Variants in DPP10 observed in about 807,000 individuals in gnomAD.
DPP10 encodes the protein dipeptidyl peptidase like 10, also known as inactive dipeptidyl peptidase 10.
A neutral mutation model predicts 120.9 loss-of-function variants in DPP10; 33 were observed. The observed-to-expected ratio is 0.27, with a 90% CI of 0.21 to 0.37. The LOEUF (loss-of-function observed/expected upper bound fraction) is 0.37. DPP10 is among the 10% of genes least tolerant of loss of function. The pLI is 1.00. For synonymous variants in DPP10, 337 were observed against 326.1 expected, an observed-to-expected ratio of 1.03 and a Z score of -0.36; for missense variants, 816 against 942.8, an observed-to-expected ratio of 0.87 and a Z score of 1.76.
At chr2:115,699,574 A>T (rs1209308245) in intron 7 of DPP10, among the ~76,000 whole-genome samples, 1 of 152,306 alleles carries the variant, frequency 6.6e-6, no homozygotes, top group East Asian at 1.9e-4. Context: ...ATGCCACTGC[A>T]CTCCTGCCTG....
chr2:114,704,926 T>A (rs1700599135), intron 1 of DPP10, among the ~76,000 whole-genome samples: 1 of 152,080 alleles, frequency 6.6e-6, no homozygotes, highest in African/African-American at 2.4e-5. Context: ...TGCACATCTA[T>A]AGGAAAGACT....
At chr2:115,508,207 T>C (rs1463598371) in intron 4 of DPP10, among the ~76,000 whole-genome samples, 3 of 152,138 alleles carry the variant, frequency 2.0e-5, no homozygotes, top group African/African-American at 4.8e-5. Flanking sequence ...AAATAGAACA[T>C]AGACATGCAA....
intron 5 of DPP10, among the ~76,000 whole-genome samples, chr2:115,551,932 AT>A (rs573516226): frequency 1.7e-4 from 26 of 152,206 alleles, no homozygotes; most frequent in Middle Eastern, 3.4e-3. Context: ...AGCTAATTTC[AT>A]TTGTTCTGTG....
At chr2:115,662,565 G>A (rs2089088760) in intron 5 of DPP10, among the ~76,000 whole-genome samples, 2 of 151,960 alleles carry the variant, frequency 1.3e-5, no homozygotes, top group Non-Finnish European at 2.9e-5. Flanking sequence ...TCAGGAAAAT[G>A]CAAATCAAAA....
intron 1 of DPP10, among the ~76,000 whole-genome samples, chr2:115,251,158 G>T (rs184615464): frequency 2.0e-5 from 3 of 152,282 alleles, no homozygotes; most frequent in African/African-American, 7.2e-5. Context: ...TCTTTATCTT[G>T]ATTGGAATCT....
intron 9 of DPP10, 56 bp downstream of exon 9, chr2:115,739,949 G>A: frequency 6.3e-7 from 1 of 1,577,668 alleles, no homozygotes; most frequent in Non-Finnish European, 8.7e-7. Context: ...CTAGTGACTT[G>A]ACAGATGGTA....
At chr2:115,559,652 TTG>T (rs2149039770) in intron 5 of DPP10, among the ~76,000 whole-genome samples, 1 of 152,272 alleles carries the variant, frequency 6.6e-6, no homozygotes, top group East Asian at 1.9e-4. Flanking sequence ...GTTTGTATTT[TTG>T]TTTTCATAAC....
intron 3 of DPP10, among the ~76,000 whole-genome samples, chr2:115,402,000 A>G (rs768187927): frequency 2.6e-5 from 4 of 152,228 alleles, no homozygotes; most frequent in Non-Finnish European, 4.4e-5. Flanking sequence ...CTCTCCCTAT[A>G]GAAATCCAAT....
chr2:115,067,823 C>A (rs1158495315), intron 1 of DPP10, among the ~76,000 whole-genome samples: 13 of 134,950 alleles, frequency 9.6e-5, no homozygotes, highest in African/African-American at 3.0e-4. Context: ...GATCCTGCAA[C>A]TGCACTCCAG....
intron 5 of DPP10, among the ~76,000 whole-genome samples, chr2:115,630,439 T>C (rs900202117): frequency 7.9e-5 from 12 of 152,192 alleles, no homozygotes; most frequent in Non-Finnish European, 1.5e-4. Context: ...CTTCAAATAC[T>C]ATGTTAAATA....
chr2:114,580,721 GTT>G (rs11384274), intron 1 of DPP10, among the ~76,000 whole-genome samples: 13 of 123,120 alleles, frequency 1.1e-4, no homozygotes, highest in African/African-American at 3.2e-4. Flanking sequence ...TATCACATCT[GTT>G]TTTTTTTTTT....
chr2:115,221,523 T>C (rs1023609978), intron 1 of DPP10, among the ~76,000 whole-genome samples: 1 of 152,146 alleles, frequency 6.6e-6, no homozygotes, highest in African/African-American at 2.4e-5. Context: ...ACAGTAACTA[T>C]ACATGGTCCG....
chr2:114,523,163 G>C (rs1352601813), intron 1 of DPP10, among the ~76,000 whole-genome samples: 1 of 152,288 alleles, frequency 6.6e-6, no homozygotes, highest in Non-Finnish European at 1.5e-5. Flanking sequence ...GTCTCAGCTT[G>C]AGTCCAGCTT....
intron 1 of DPP10, among the ~76,000 whole-genome samples, chr2:115,220,111 C>A (rs933976838): frequency 2.0e-5 from 3 of 152,110 alleles, no homozygotes; most frequent in Admixed American, 1.3e-4. Context: ...AGTTACAGAA[C>A]CTTTTACATG....
chr2:114,589,037 T>TTG (rs1225617214), intron 1 of DPP10, among the ~76,000 whole-genome samples: 75 of 102,472 alleles, frequency 7.3e-4, no homozygotes, highest in Middle Eastern at 5.6e-3. Flanking sequence ...AAGGTTTTTT[T>TTG]GGGGGGGGGG....
At chr2:115,421,662 A>G (rs987323511) in intron 3 of DPP10, among the ~76,000 whole-genome samples, 2 of 151,916 alleles carry the variant, frequency 1.3e-5, no homozygotes, top group Non-Finnish European at 2.9e-5. Context: ...CACGAAGTCA[A>G]GAGATTGAGA....
intron 1 of DPP10, among the ~76,000 whole-genome samples, chr2:114,653,915 G>A (rs745384736): frequency 6.6e-6 from 1 of 151,966 alleles, no homozygotes; most frequent in African/African-American, 2.4e-5. Flanking sequence ...TTTTCTTCTC[G>A]CTTTTCTAGA....
At chr2:114,955,928 A>G (rs536398048) in intron 1 of DPP10, among the ~76,000 whole-genome samples, 26 of 152,302 alleles carry the variant, frequency 1.7e-4, no homozygotes, top group African/African-American at 6.3e-4. Flanking sequence ...CAAATTAGGT[A>G]TGAAAAGAAT....
At chr2:115,212,217 C>G (rs774470084) in intron 1 of DPP10, among the ~76,000 whole-genome samples, 1 of 152,092 alleles carries the variant, frequency 6.6e-6, no homozygotes, top group African/African-American at 2.4e-5. Flanking sequence ...TGGAGTGAAC[C>G]TCCCTGCCTG....
Sources: allele counts gnomAD v4.1 joint callset (sites outside exome capture counted in the v4.1 genomes callset), GRCh38; gene constraint gnomAD v4.1.1; transcripts MANE v1.5; gene names NCBI Gene and HGNC (gene_info 2026-07-23, HGNC 2026-07-21).